EML4: variants seen among roughly 807,000 people sequenced by gnomAD.
EML4 encodes EMAP like 4, also known as echinoderm microtubule-associated protein-like 4.
Under a neutral mutation model 129.0 loss-of-function variants are expected in EML4, and 72 were observed. The observed-to-expected ratio is 0.56, with a 90% CI of 0.46 to 0.68. The LOEUF (loss-of-function observed/expected upper bound fraction) is 0.68, where lower values mean the gene tolerates loss of function less well. Among genes scored for constraint, EML4 ranks in the 30% least tolerant of loss-of-function variants. The pLI is 0.00. For missense variants in EML4, 1,363 were observed against 1,190.6 expected (o/e 1.14, Z -2.13); for synonymous variants, 532 against 405.0 (o/e 1.31, Z -3.77).
At chr2:42,178,942 C>A (rs1670774961) in intron 1 of EML4, among the ~76,000 whole-genome samples, 1 of 152,166 alleles carries the variant, frequency 6.6e-6, no homozygotes, top group Non-Finnish European at 1.5e-5. Context: ...CAGGAATCAT[C>A]AATAGGTGCT....
intron 9 of EML4, among the ~76,000 whole-genome samples, chr2:42,285,161 G>C (rs1667220811): frequency 6.6e-6 from 1 of 152,054 alleles, no homozygotes; most frequent in Non-Finnish European, 1.5e-5. Flanking sequence ...CTCCAGCCTT[G>C]GCCTCTTGAG....
chr2:42,309,344 GGCTATCATAGTGA>G (rs970195767), intron 17 of EML4, among the ~76,000 whole-genome samples: 3 of 151,246 alleles, frequency 2.0e-5, no homozygotes, highest in African/African-American at 7.3e-5. Context: ...GGGATGTCAA[GGCTATCATAGTGA>G]GCTATGATGG....
chr2:42,247,942 G>T (rs973596236), intron 2 of EML4, among the ~76,000 whole-genome samples: 1 of 151,986 alleles, frequency 6.6e-6, no homozygotes, highest in Non-Finnish European at 1.5e-5. Flanking sequence ...AAATGATAAC[G>T]ATGTTTGATT....
chr2:42,259,009 G>T (rs1665538690), intron 3 of EML4, among the ~76,000 whole-genome samples: 1 of 152,194 alleles, frequency 6.6e-6, no homozygotes, highest in African/African-American at 2.4e-5. Context: ...CACTTTGGGA[G>T]GCTGAGGCAG....
At chr2:42,256,768 G>A (rs775534531) in intron 3 of EML4, 138 bp downstream of exon 3, 7 of 1,103,882 alleles carry the variant, frequency 6.3e-6, no homozygotes, top group Non-Finnish European at 9.0e-6. Context: ...AACTGTGAAA[G>A]TAGAGACATT....
chr2:42,203,395 A>G (rs924694110), intron 1 of EML4, among the ~76,000 whole-genome samples: 5 of 152,164 alleles, frequency 3.3e-5, no homozygotes, highest in Admixed American at 6.5e-5. Flanking sequence ...TGAATACTCT[A>G]TGATAGAGTT....
intron 3 of EML4, among the ~76,000 whole-genome samples, chr2:42,259,492 A>G (rs562398782): frequency 1.2e-3 from 185 of 152,172 alleles, no homozygotes; most frequent in Non-Finnish European, 1.9e-3. Flanking sequence ...CATAAGATAC[A>G]TTCACCTGTA....
intron 21 of EML4, 21 bp downstream of exon 21, chr2:42,326,273 GT>G: frequency 1.3e-6 from 2 of 1,541,834 alleles, no homozygotes; most frequent in Non-Finnish European, 1.8e-6. Context: ...GACACCTGAT[GT>G]AAAGAAGTGG....
At chr2:42,277,664 G>A (rs1162657984) in intron 6 of EML4, among the ~76,000 whole-genome samples, 2 of 151,682 alleles carry the variant, frequency 1.3e-5, no homozygotes, top group Non-Finnish European at 2.9e-5. Context: ...CGCCTCCCAG[G>A]TTCAAGCAAT....
intron 1 of EML4, among the ~76,000 whole-genome samples, chr2:42,239,016 G>A (rs543667311): frequency 6.6e-6 from 1 of 152,234 alleles, no homozygotes. Context: ...CAATCATCCT[G>A]CCTCAACGTC....
At chr2:42,199,579 G>T (rs1672097795) in intron 1 of EML4, among the ~76,000 whole-genome samples, 1 of 152,152 alleles carries the variant, frequency 6.6e-6, no homozygotes, top group South Asian at 2.1e-4. Context: ...ATAAGAGAAA[G>T]AATAGTTGCC....
rs777559749 is a variant in EML4 at position 42,328,987 on chromosome 2, CTG to C, written c.2445_2446del (p.Phe816SerfsTer30). 6.2e-7 allele frequency: 1 copy of C among 1,613,026 alleles called. No individual in the cohort carries two copies. Among genetic ancestry groups the C allele is most frequent in the Admixed American group, 1.7e-5 (1 of 59,980 alleles). On this transcript the variant is annotated frameshift_variant, in exon 22 of 23. Coordinates refer to ENST00000318522, the MANE Select transcript of EML4 (RefSeq NM_019063.5). LOFTEE classifies it high-confidence loss of function. ...TGCCGATGACTTTTGTAAAGTCCAT[CTG>C]TTTCAGTATCCCTGCTCCAAAGCAA... Reference protein sequence around the residue: ...AVADDFCKVHLFQYPCSKAKA... With the variant: ...AVADDFCKVHXFQYPCSKAKA...
chr2:42,256,611 C>G lies in EML4; in HGVS notation c.319C>G (p.Leu107Val). 1 of 1,613,624 alleles carries G rather than the reference C, an allele frequency of 6.2e-7. No individual in the cohort carries two copies. The highest frequency in any genetic ancestry group is 8.5e-7 in the Non-Finnish European group (1 of 1,179,740). ...TGTCTCAATTGCAGGAAAAGAAACT[C>G]TTTCATCTGCTGCTAAAAGGTACCC... ...SAVSIAGKET[L>V]SSAAKSGTEK... Residue 107 changes from leucine to valine, a missense_variant, in exon 3 of 23, where the codon CTT becomes GTT. Leu to Val is a conservative substitution (Grantham distance 32). Transcript: ENST00000318522.
At chr2:42,181,614 A>G (rs530287555) in intron 1 of EML4, among the ~76,000 whole-genome samples, 11 of 151,978 alleles carry the variant, frequency 7.2e-5, no homozygotes, top group Non-Finnish European at 1.3e-4. Context: ...TATTTTTTTG[A>G]TGGGTTATAG....
chr2:42,208,789 G>A (rs1410371564), intron 1 of EML4, among the ~76,000 whole-genome samples: 4 of 121,320 alleles, frequency 3.3e-5, no homozygotes, highest in Non-Finnish European at 7.0e-5. Context: ...GTCTCGTTCT[G>A]TCTGGCTTTT....
chr2:42,211,328 G>C (rs951819135), intron 1 of EML4, among the ~76,000 whole-genome samples: 1 of 152,156 alleles, frequency 6.6e-6, no homozygotes, highest in Non-Finnish European at 1.5e-5. Context: ...GTGTTGAATA[G>C]AATAAAAGGA....
At chr2:42,218,868 T>G (rs1673370442) in intron 1 of EML4, among the ~76,000 whole-genome samples, 1 of 152,184 alleles carries the variant, frequency 6.6e-6, no homozygotes, top group African/African-American at 2.4e-5. Context: ...CTTGCTGTGT[T>G]GTCCAGCCTA....
chr2:42,172,696 T>A (rs1000478490), intron 1 of EML4, among the ~76,000 whole-genome samples: 6 of 152,068 alleles, frequency 3.9e-5, no homozygotes, highest in Non-Finnish European at 5.9e-5. Flanking sequence ...TCAATTACCT[T>A]GATGTGTTGC....
chr2:42,236,268 T>G (rs1206173166), intron 1 of EML4, among the ~76,000 whole-genome samples: 5 of 152,260 alleles, frequency 3.3e-5, no homozygotes, highest in African/African-American at 1.2e-4. Context: ...ATAGTTTACT[T>G]TTACTATTCT....
Sources: gnomAD v4.1 joint callset for allele counts (sites outside exome capture counted in the v4.1 genomes callset) on GRCh38, gnomAD v4.1.1 for gene constraint, MANE v1.5 for transcripts, NCBI Gene and HGNC (gene_info 2026-07-23, HGNC 2026-07-21) for gene names.